Variants in DLG2 observed in about 807,000 individuals in gnomAD.
DLG2 encodes the protein discs large MAGUK scaffold protein 2.
In DLG2, 45 loss-of-function variants were observed where a neutral mutation model predicts 132.5. That is an observed-to-expected ratio of 0.34 (90% confidence interval 0.27 to 0.44). DLG2 has a LOEUF of 0.44. Ranked by LOEUF, DLG2 falls within the 20% of genes least tolerant of loss-of-function variation. The pLI, the probability that DLG2 is intolerant of heterozygous loss-of-function variation, is 1.00. For synonymous variants in DLG2, 424 were observed against 419.6 expected, an observed-to-expected ratio of 1.01 and a Z score of -0.13; for missense variants, 1,045 against 1,196.9, an observed-to-expected ratio of 0.87 and a Z score of 1.87.
At chr11:84,648,839 G>A (rs1437771577) in intron 6 of DLG2, among the ~76,000 whole-genome samples, 1 of 151,778 alleles carries the variant, frequency 6.6e-6, no homozygotes, top group Non-Finnish European at 1.5e-5. Context: ...AGAAGCAGAT[G>A]CTCCTGTCAT....
intron 18 of DLG2, among the ~76,000 whole-genome samples, chr11:83,700,180 T>C (rs561655943): frequency 6.6e-6 from 1 of 152,130 alleles, no homozygotes; most frequent in African/African-American, 2.4e-5. Context: ...GTAAATATAA[T>C]AATGTATTGA....
intron 6 of DLG2, among the ~76,000 whole-genome samples, chr11:84,739,933 G>A (rs1032305590): frequency 5.3e-5 from 8 of 151,812 alleles, no homozygotes; most frequent in Non-Finnish European, 7.4e-5. Flanking sequence ...CTGATGAAGC[G>A]GTCCTTGTGC....
chr11:84,738,765 T>C (rs554096734), intron 6 of DLG2, among the ~76,000 whole-genome samples: 1 of 152,118 alleles, frequency 6.6e-6, no homozygotes, highest in Non-Finnish European at 1.5e-5. Context: ...AACACAGCCA[T>C]TGCATTTCTA....
intron 16 of DLG2, among the ~76,000 whole-genome samples, chr11:83,851,920 TAAA>T (rs754089296): frequency 1.3e-4 from 17 of 128,474 alleles, no homozygotes; most frequent in Non-Finnish European, 8.4e-5. Context: ...CTCCGTCTCT[TAAA>T]AAAAAAAAAA....
At chr11:84,880,172 A>G (rs1392519852) in intron 6 of DLG2, among the ~76,000 whole-genome samples, 1 of 152,134 alleles carries the variant, frequency 6.6e-6, no homozygotes, top group African/African-American at 2.4e-5. Flanking sequence ...GGAGAAAGAA[A>G]TCACCATGAG....
At chr11:84,232,762 T>C (rs2097110022) in intron 8 of DLG2, among the ~76,000 whole-genome samples, 1 of 152,198 alleles carries the variant, frequency 6.6e-6, no homozygotes, top group Non-Finnish European at 1.5e-5. Context: ...AATAAATTTA[T>C]GTTATTTAAG....
chr11:84,679,935 C>T (rs892077783), intron 6 of DLG2, among the ~76,000 whole-genome samples: 2 of 152,064 alleles, frequency 1.3e-5, no homozygotes, highest in Non-Finnish European at 2.9e-5. Flanking sequence ...TACAGCCACA[C>T]TTTCTGTATT....
chr11:83,513,548 C>G (rs2095152019), intron 21 of DLG2, among the ~76,000 whole-genome samples: 1 of 152,156 alleles, frequency 6.6e-6, no homozygotes, highest in South Asian at 2.1e-4. Context: ...TCCCATTTGT[C>G]AATTTTGGCT....
chr11:84,121,013 CATTCA>C (rs777890884), intron 9 of DLG2, among the ~76,000 whole-genome samples: 21 of 152,302 alleles, frequency 1.4e-4, no homozygotes, highest in African/African-American at 3.8e-4. Flanking sequence ...CTTGCTCATT[CATTCA>C]ATTCATTAAT....
At chr11:84,114,314 CAA>C (rs1566562373) in intron 9 of DLG2, among the ~76,000 whole-genome samples, 1 of 152,104 alleles carries the variant, frequency 6.6e-6, no homozygotes, top group African/African-American at 2.4e-5. Flanking sequence ...ATAATTCTGA[CAA>C]AGCATTTAAC....
chr11:85,134,006 AG>A, intron 5 of DLG2, among the ~76,000 whole-genome samples: 1 of 151,630 alleles, frequency 6.6e-6, no homozygotes, highest in Non-Finnish European at 1.5e-5. Flanking sequence ...GAAAGGAGAG[AG>A]GGGGTGGGAA....
chr11:85,433,553 G>T (rs2091311101), intron 3 of DLG2, among the ~76,000 whole-genome samples: 1 of 152,164 alleles, frequency 6.6e-6, no homozygotes, highest in South Asian at 2.1e-4. Flanking sequence ...AACCAACAAA[G>T]ATCAAAAAAG....
chr11:83,632,174 C>T (rs1217947549), intron 19 of DLG2: 2 of 152,174 alleles, frequency 1.3e-5, no homozygotes, highest in Non-Finnish European at 2.9e-5. Context: ...AATCCCACTC[C>T]CTTCTTAGCC....
chr11:84,547,702 T>G (rs920354295), intron 6 of DLG2, among the ~76,000 whole-genome samples: 4 of 152,172 alleles, frequency 2.6e-5, no homozygotes, highest in African/African-American at 9.7e-5. Context: ...CATGTCTGAC[T>G]CCCTGAGAAT....
At chr11:85,021,094 CCTT>C (rs2060024456) in intron 6 of DLG2, 2 of 777,114 alleles carry the variant, frequency 2.6e-6, no homozygotes, top group Non-Finnish European at 4.8e-6. Flanking sequence ...TTGGTCAACT[CCTT>C]CTTAATTGCC....
At chr11:83,798,582 G>T (rs1322972494) in intron 17 of DLG2, among the ~76,000 whole-genome samples, 1 of 152,142 alleles carries the variant, frequency 6.6e-6, no homozygotes, top group African/African-American at 2.4e-5. Context: ...AATGGGAAAA[G>T]GCTAGATAAT....
At chr11:84,192,223 G>A (rs972618323) in intron 8 of DLG2, among the ~76,000 whole-genome samples, 3 of 152,164 alleles carry the variant, frequency 2.0e-5, no homozygotes, top group Non-Finnish European at 4.4e-5. Flanking sequence ...GGGGGTGGGT[G>A]AGTATATGAC....
chr11:84,513,121 G>C (rs190233463), intron 7 of DLG2, among the ~76,000 whole-genome samples: 19 of 152,000 alleles, frequency 1.3e-4, no homozygotes, highest in Admixed American at 1.2e-3. Flanking sequence ...TGCACATTCT[G>C]CACATGTATC....
At chr11:84,167,184 C>A (rs569388224) in intron 8 of DLG2, among the ~76,000 whole-genome samples, 3 of 152,248 alleles carry the variant, frequency 2.0e-5, no homozygotes, top group African/African-American at 4.8e-5. Flanking sequence ...TTTTTCTGAA[C>A]TTTATGGTTC....
Sources: gnomAD v4.1 joint callset for allele counts (sites outside exome capture counted in the v4.1 genomes callset) on GRCh38, gnomAD v4.1.1 for gene constraint, MANE v1.5 for transcripts, NCBI Gene and HGNC (gene_info 2026-07-23, HGNC 2026-07-21) for gene names.